The following DSCAM variants were observed in gnomAD, a reference collection of about 807,000 sequenced individuals.
DSCAM encodes cell adhesion molecule DSCAM.
Under a neutral mutation model 217.7 loss-of-function variants are expected in DSCAM, and 47 were observed. That is an observed-to-expected ratio of 0.22 (90% CI 0.17 to 0.28). The LOEUF (loss-of-function observed/expected upper bound fraction) is 0.28, where lower values mean the gene tolerates loss of function less well. Ranked by LOEUF, DSCAM falls within the 10% of genes least tolerant of loss-of-function variation. The pLI is 1.00. For missense variants in DSCAM, 2,080 were observed against 2,618.3 expected (o/e 0.79, Z 4.49); for synonymous variants, 1,056 against 1,015.3 (o/e 1.04, Z -0.76).
intron 3 of DSCAM, among the ~76,000 whole-genome samples, chr21:40,441,570 A>C (rs1177363862): frequency 1.3e-5 from 2 of 152,166 alleles, no homozygotes; most frequent in African/African-American, 4.8e-5. Flanking sequence ...CAAATTGGCT[A>C]CCTCTCTCCT....
At chr21:40,222,147 A>G (rs1312666016) in intron 11 of DSCAM, among the ~76,000 whole-genome samples, 1 of 152,226 alleles carries the variant, frequency 6.6e-6, no homozygotes, top group African/African-American at 2.4e-5. Flanking sequence ...TCGATTTTAG[A>G]AAACTTGGAT....
chr21:40,427,005 C>CG (rs1240454405), intron 3 of DSCAM, among the ~76,000 whole-genome samples: 1 of 152,156 alleles, frequency 6.6e-6, no homozygotes, highest in Non-Finnish European at 1.5e-5. Context: ...GTGTCAGCCC[C>CG]GGGACCTGAT....
chr21:40,311,931 G>C, intron 9 of DSCAM, 150 bp downstream of exon 9: 1 of 496,982 alleles, frequency 2.0e-6, no homozygotes, highest in Non-Finnish European at 3.1e-6. Context: ...GTTTAGAGTC[G>C]TATTTTTTTT....
At chr21:40,188,291 A>G (rs2090917304) in intron 12 of DSCAM, among the ~76,000 whole-genome samples, 1 of 152,240 alleles carries the variant, frequency 6.6e-6, no homozygotes, top group Non-Finnish European at 1.5e-5. Context: ...TGTAATTTAT[A>G]TAAGATGTCG....
chr21:40,022,954 G>T (rs201048587), intron 32 of DSCAM, among the ~76,000 whole-genome samples: 2 of 151,798 alleles, frequency 1.3e-5, no homozygotes, highest in Non-Finnish European at 1.5e-5. Flanking sequence ...CATGTGCCAT[G>T]CTGGTGTGCT....
intron 8 of DSCAM, among the ~76,000 whole-genome samples, chr21:40,335,877 C>T (rs1206498202): frequency 6.6e-6 from 1 of 152,034 alleles, no homozygotes; most frequent in African/African-American, 2.4e-5. Flanking sequence ...GGAGCAAAAG[C>T]CATGGTGGGT....
intron 8 of DSCAM, among the ~76,000 whole-genome samples, chr21:40,327,703 T>C (rs1310087613): frequency 1.3e-5 from 2 of 152,132 alleles, no homozygotes; most frequent in African/African-American, 4.8e-5. Context: ...GCCTTTATTA[T>C]GTTGAGGAAC....
intron 3 of DSCAM, among the ~76,000 whole-genome samples, chr21:40,435,662 T>C (rs549225905): frequency 8.5e-5 from 13 of 152,366 alleles, no homozygotes; most frequent in Middle Eastern, 3.4e-3. Flanking sequence ...TTTGAATTGC[T>C]TTTGTACCTT....
chr21:40,448,665 ATCT>A (rs768456299), intron 3 of DSCAM, among the ~76,000 whole-genome samples: 8 of 152,242 alleles, frequency 5.3e-5, no homozygotes, highest in South Asian at 2.1e-4. Flanking sequence ...ACTTTATCTA[ATCT>A]TCTACTGGCT....
At chr21:40,346,078 C>T (rs1223861114) in intron 6 of DSCAM, among the ~76,000 whole-genome samples, 1 of 152,176 alleles carries the variant, frequency 6.6e-6, no homozygotes, top group Non-Finnish European at 1.5e-5. Flanking sequence ...CTTAGTTGCA[C>T]CAAATGGTTG....
chr21:40,793,801 T>C (rs1042565472), intron 1 of DSCAM, among the ~76,000 whole-genome samples: 2 of 152,108 alleles, frequency 1.3e-5, no homozygotes, highest in African/African-American at 4.8e-5. Context: ...TGTTCTACCA[T>C]TTTTTATAGG....
At chr21:40,265,808 A>G (rs2073518350) in intron 11 of DSCAM, among the ~76,000 whole-genome samples, 1 of 152,208 alleles carries the variant, frequency 6.6e-6, no homozygotes, top group Admixed American at 6.5e-5. Context: ...ATAGCCACAT[A>G]TATAAGAGCG....
At chr21:40,707,140 G>A (rs2090726515) in intron 2 of DSCAM, among the ~76,000 whole-genome samples, 1 of 152,190 alleles carries the variant, frequency 6.6e-6, no homozygotes. Flanking sequence ...CAGACATAAT[G>A]GATTAATACG....
intron 2 of DSCAM, among the ~76,000 whole-genome samples, chr21:40,701,312 C>T (rs1399065541): frequency 6.6e-6 from 1 of 152,092 alleles, no homozygotes; most frequent in Non-Finnish European, 1.5e-5. Flanking sequence ...TGGTATTAGT[C>T]ATTTACCAAC....
intron 9 of DSCAM, among the ~76,000 whole-genome samples, chr21:40,296,439 T>A (rs2073955101): frequency 6.6e-6 from 1 of 152,194 alleles, no homozygotes; most frequent in African/African-American, 2.4e-5. Flanking sequence ...GGGAGGAAGT[T>A]TGACTAAATC....
intron 3 of DSCAM, among the ~76,000 whole-genome samples, chr21:40,666,228 G>A (rs2090197621): frequency 1.3e-5 from 2 of 152,178 alleles, no homozygotes; most frequent in African/African-American, 4.8e-5. Flanking sequence ...TTCTAAATAT[G>A]AGGAGGATGA....
intron 1 of DSCAM, among the ~76,000 whole-genome samples, chr21:40,742,885 T>C (rs78925976): frequency 0.022 from 3,363 of 152,282 alleles, 122 homozygotes; most frequent in African/African-American, 0.075. Context: ...TTCATCATTA[T>C]TTTTATTTTA....
intron 3 of DSCAM, among the ~76,000 whole-genome samples, chr21:40,690,275 T>C (rs2090524973): frequency 6.6e-6 from 1 of 152,156 alleles, no homozygotes; most frequent in Non-Finnish European, 1.5e-5. Context: ...TCAGGTAAAA[T>C]GCTCAATTTC....
intron 11 of DSCAM, among the ~76,000 whole-genome samples, chr21:40,275,378 A>G (rs547803752): frequency 6.6e-6 from 1 of 152,270 alleles, no homozygotes; most frequent in Admixed American, 6.5e-5. Flanking sequence ...AATCAAGAAG[A>G]AATCACAGTT....
Sources: gnomAD v4.1 joint callset for allele counts (sites outside exome capture counted in the v4.1 genomes callset) on GRCh38, gnomAD v4.1.1 for gene constraint, MANE v1.5 for transcripts, NCBI Gene and HGNC (gene_info 2026-07-23, HGNC 2026-07-21) for gene names.